Variants in KCNC1 observed in about 807,000 individuals in gnomAD.
KCNC1 encodes potassium voltage-gated channel subfamily C member 1.
KCNC1 carries 8 observed loss-of-function variants against 43.4 expected under a neutral mutation model. That is an observed-to-expected ratio of 0.18 (90% CI 0.11 to 0.33). The LOEUF is 0.33. KCNC1 is among the 10% of genes least tolerant of loss of function. The pLI is 1.00. For missense variants in KCNC1, 420 were observed against 836.0 expected, an observed-to-expected ratio of 0.50 and a Z score of 6.14; for synonymous variants, 361 against 360.5, an observed-to-expected ratio of 1.00 and a Z score of -0.01.
intron 2 of KCNC1, chr11:17,774,133 C>T (rs992682748): frequency 1.8e-5 from 18 of 985,502 alleles, no homozygotes; most frequent in Non-Finnish European, 2.2e-5. Context: ...ATACCCTTCC[C>T]TTCCTGGGAT....
intron 1 of KCNC1, among the ~76,000 whole-genome samples, chr11:17,751,000 A>G (rs1485450210): frequency 6.6e-6 from 1 of 152,338 alleles, no homozygotes; most frequent in South Asian, 2.1e-4. Flanking sequence ...ATAATAGGGA[A>G]TCAATCGATC....
In KCNC1 at chr11:17,735,921, C is replaced by A. The variant is rs1013705817; in HGVS notation, c.-82C>A. 10 of 1,368,342 alleles carry A rather than the reference C, an allele frequency of 7.3e-6. No individual in the cohort carries two copies. The highest frequency in any genetic ancestry group is 9.4e-6 in the Non-Finnish European group (10 of 1,065,280). The allele number at this position is 1,368,342 out of a possible 1,614,324, so 84.8% of individuals were successfully genotyped here. ...GGGGGAGGGGGGAAGAGGGCGCGCG[C>A]CCCCCTCCCCGGCGCCAACTCCCCC... On this transcript the variant is annotated 5_prime_UTR_variant, in exon 1 of 4. Transcript: ENST00000265969. The surrounding 1 kb of genome is among the most constrained non-coding windows in gnomAD (Gnocchi z 6.7).
intron 1 of KCNC1, among the ~76,000 whole-genome samples, chr11:17,755,074 C>A (rs1227551128): frequency 1.3e-5 from 2 of 152,094 alleles, no homozygotes; most frequent in Non-Finnish European, 2.9e-5. Flanking sequence ...CAGAAGCACC[C>A]TCTTGGGGTG....
chr11:17,747,805 G>A (rs1035893883), intron 1 of KCNC1, among the ~76,000 whole-genome samples: 8 of 152,126 alleles, frequency 5.3e-5, no homozygotes, highest in Non-Finnish European at 1.2e-4. Context: ...TTCCACCCTG[G>A]CCAGCCCCAG....
At chr11:17,754,889 G>A (rs896309000) in intron 1 of KCNC1, among the ~76,000 whole-genome samples, 10 of 152,166 alleles carry the variant, frequency 6.6e-5, no homozygotes, top group South Asian at 2.1e-4. Flanking sequence ...GGATTTTCTC[G>A]CACATCTTAA....
chr11:17,767,074 G>A (rs1014272186), intron 1 of KCNC1, among the ~76,000 whole-genome samples: 1 of 151,454 alleles, frequency 6.6e-6, no homozygotes, highest in African/African-American at 2.4e-5. Context: ...GGAGGTTGCA[G>A]TGAGCTGAGA....
chr11:17,770,035 A>G, intron 1 of KCNC1, among the ~76,000 whole-genome samples: 1 of 152,252 alleles, frequency 6.6e-6, no homozygotes, highest in African/African-American at 2.4e-5. Context: ...TGGAAGGTCC[A>G]CATAATTCTT....
At chr11:17,774,379 C>T (rs12574369) in intron 2 of KCNC1, 153,937 of 985,342 alleles carry the variant, frequency 0.16, 18,246 homozygotes, top group African/African-American at 0.58. Flanking sequence ...GCATCCTCCC[C>T]GACACTGGAT....
intron 1 of KCNC1, among the ~76,000 whole-genome samples, chr11:17,745,151 A>G (rs895498618): frequency 2.0e-5 from 3 of 152,158 alleles, no homozygotes; most frequent in South Asian, 2.1e-4. Flanking sequence ...TGATGCAGGC[A>G]GCGGCTCCAG....
chr11:17,764,701 G>A (rs1313844060), intron 1 of KCNC1, among the ~76,000 whole-genome samples: 1 of 152,170 alleles, frequency 6.6e-6, no homozygotes, highest in African/African-American at 2.4e-5. Flanking sequence ...CGGGGGCCAG[G>A]CCTCCTTTGC....
chr11:17,779,611 T>G lies in KCNC1; in HGVS notation c.1660T>G (p.Tyr554Asp), dbSNP rs1167541162. 5.2e-6 allele frequency: 8 copies of G among 1,549,266 alleles called. No homozygotes were observed. Among genetic ancestry groups the G allele is most frequent in the Non-Finnish European group, 7.0e-6 (8 of 1,146,302 alleles). Residue 554 changes from tyrosine to aspartate, a missense_variant, in exon 3 of 4, where the codon TAC (tyrosine) becomes GAC (aspartate). Tyr to Asp is a radical substitution (Grantham distance 160, BLOSUM62 -3). This residue lies in a region of KCNC1 where 147 missense variants were observed against 176.1 expected (regional missense o/e 0.83). Coordinates refer to ENST00000265969, the MANE Select transcript of KCNC1 (RefSeq NM_001112741.2). The surrounding 1 kb of genome is among the most constrained non-coding windows in gnomAD (Gnocchi z 7.2). ...CTGCTTCCTCTTATCAACCGGGGAG[T>G]ACGCGTGCCCACCTGGTGGAGGAAT... ...GPCFLLSTGEYACPPGGGMRK... is the reference protein window; with the variant it reads ...GPCFLLSTGEDACPPGGGMRK...
chr11:17,751,559 T>A (rs894462679), intron 1 of KCNC1, among the ~76,000 whole-genome samples: 1 of 152,102 alleles, frequency 6.6e-6, no homozygotes, highest in South Asian at 2.1e-4. Context: ...CCAGTACATG[T>A]GTGCAGAAAG....
intron 1 of KCNC1, among the ~76,000 whole-genome samples, chr11:17,769,608 A>G (rs1487577444): frequency 6.6e-6 from 1 of 152,028 alleles, no homozygotes; most frequent in Non-Finnish European, 1.5e-5. Flanking sequence ...TTGGGAGGTC[A>G]AGGCAGGAGG....
In KCNC1 at chr11:17,739,206, A is replaced by G. The variant is rs1848806988; in HGVS notation, c.570+2634A>G. Among the ~76,000 whole-genome samples the G allele has an allele frequency of 6.6e-6, 1 of 151,972 alleles. No individual in the cohort carries two copies. The highest frequency in any genetic ancestry group is 2.1e-4 in the South Asian group (1 of 4,816). On this transcript the variant is annotated intron_variant, in intron 1 of 3. Coordinates refer to ENST00000265969, the MANE Select transcript of KCNC1 (RefSeq NM_001112741.2). This position sits in a 1 kb window ranked among gnomAD's most constrained non-coding sequence, Gnocchi z 4.2. ...TCCTCACACCAGCGGGTCGGGACTT[A>G]AGTCGTTATTCTAGATCTAGGCCAG...
rs1849229894 is a variant in KCNC1 at position 17,771,624 on chromosome 11, T to C, written c.571-41T>C. 6.4e-7 allele frequency: 1 copy of C among 1,552,350 alleles called. No individual in the cohort carries two copies. Among genetic ancestry groups the C allele is most frequent in the Non-Finnish European group, 8.8e-7 (1 of 1,139,530 alleles). ...AGAGGCAACCCAGGCTTCTCCACTC[T>C]GGGTGGGCCTCCCTCTGACACTGTG... is the stretch of plus-strand genomic sequence containing the variant. On this transcript the variant is annotated intron_variant, in intron 1 of 3. Transcript: ENST00000265969. The surrounding 1 kb of genome is among the most constrained non-coding windows in gnomAD (Gnocchi z 4.7).
At chr11:17,766,958 A>G (rs1190648310) in intron 1 of KCNC1, among the ~76,000 whole-genome samples, 2 of 59,342 alleles carry the variant, frequency 3.4e-5, no homozygotes, top group African/African-American at 1.3e-4. Context: ...CATCTCTACT[A>G]AAAAATACCA....
chr11:17,752,971 A>G (rs1848985184), intron 1 of KCNC1, among the ~76,000 whole-genome samples: 1 of 152,220 alleles, frequency 6.6e-6, no homozygotes, highest in Non-Finnish European at 1.5e-5. Flanking sequence ...CATTCAGTAA[A>G]TGTTTGATGA....
At chr11:17,759,210 C>G (rs1360784609) in intron 1 of KCNC1, among the ~76,000 whole-genome samples, 1 of 152,232 alleles carries the variant, frequency 6.6e-6, no homozygotes, top group Non-Finnish European at 1.5e-5. Context: ...CCAACTTCTG[C>G]TAGCTTTAAA....
At chr11:17,775,903 G>A in intron 2 of KCNC1, 1 of 985,576 alleles carries the variant, frequency 1.0e-6, no homozygotes, top group Non-Finnish European at 1.2e-6. Flanking sequence ...TGGCAAAGGG[G>A]TCTAAAGTCC....
Sources: gnomAD v4.1 joint callset for allele counts (sites outside exome capture counted in the v4.1 genomes callset) on GRCh38, gnomAD v4.1.1 for gene constraint, gnomAD v4.1.1 regional missense constraint, Gnocchi (gnomAD v3.1) non-coding constraint, MANE v1.5 for transcripts, NCBI Gene and HGNC (gene_info 2026-07-23, HGNC 2026-07-21) for gene names.